The following SMYD2 variants were observed in gnomAD, a reference collection of about 807,000 sequenced individuals.
SMYD2 encodes SET and MYND domain containing 2, also known as N-lysine methyltransferase SMYD2.
A neutral mutation model predicts 59.1 loss-of-function variants in SMYD2; 53 were observed. The observed-to-expected ratio is 0.90, with a 90% confidence interval of 0.72 to 1.13. SMYD2 has a LOEUF of 1.13. SMYD2 is among the 50% of genes most tolerant of loss of function. The pLI, the probability that SMYD2 is intolerant of heterozygous loss-of-function variation, is 0.00. For missense variants in SMYD2, 494 were observed against 544.7 expected (o/e 0.91, Z 0.93); for synonymous variants, 208 against 198.8 (o/e 1.05, Z -0.39).
chr1:214,299,936 T>G (rs1571922712), intron 1 of SMYD2, among the ~76,000 whole-genome samples: 1 of 152,100 alleles, frequency 6.6e-6, no homozygotes, highest in South Asian at 2.1e-4. Flanking sequence ...GAGCTAAACA[T>G]TGGGTATTCA....
chr1:214,286,836 A>G (rs1415114548), intron 1 of SMYD2, among the ~76,000 whole-genome samples: 1 of 137,532 alleles, frequency 7.3e-6, no homozygotes, highest in African/African-American at 2.8e-5. Context: ...TGAGCCATCA[A>G]AATCACTCTG....
intron 1 of SMYD2, among the ~76,000 whole-genome samples, chr1:214,293,762 C>T (rs1275393434): frequency 2.0e-5 from 3 of 152,102 alleles, no homozygotes; most frequent in African/African-American, 4.8e-5. Context: ...CTGCAACCTC[C>T]GCCTCCCAGG....
At position 214,281,487 on chromosome 1, in the gene SMYD2, G is replaced by A; in HGVS notation, c.173+60G>A. On this transcript the variant is annotated intron_variant, in intron 1 of 11. Coordinates refer to ENST00000366957, the MANE Select transcript of SMYD2 (RefSeq NM_020197.3). ...CCGGGGGCGCCGAGCGGGAGGCTTG[G>A]ACGGCGGCGCCAGGAAGTGCGTGCG... 3.4e-6 allele frequency: 4 copies of A among 1,160,980 alleles called. No homozygotes were observed. In the South Asian group the frequency reaches 1.3e-4, roughly 37 times the overall value. The allele number at this position is 1,160,980 out of a possible 1,614,324, so 71.9% of individuals were successfully genotyped here.
intron 2 of SMYD2, among the ~76,000 whole-genome samples, chr1:214,306,123 T>C (rs1656911693): frequency 6.6e-6 from 1 of 152,150 alleles, no homozygotes; most frequent in African/African-American, 2.4e-5. Context: ...TGAGAAATGG[T>C]GATGCTGTTA....
At chr1:214,317,004 C>T (rs1025719149) in intron 3 of SMYD2, among the ~76,000 whole-genome samples, 1 of 151,888 alleles carries the variant, frequency 6.6e-6, no homozygotes, top group Non-Finnish European at 1.5e-5. Context: ...ATTTTGTTCC[C>T]CTGAATTATT....
rs1019628000 is a variant in SMYD2 at position 214,295,349 on chromosome 1, C to A, written c.174-9838C>A. Among the ~76,000 whole-genome samples the A allele has an allele frequency of 2.6e-5, 4 of 152,204 alleles. No homozygotes were observed. The East Asian group carries it at 7.7e-4, about 29-fold the overall frequency. ...GGCTGAAAAGGAAATGTAATGTTCA[C>A]TGTTTCACAGGCTAAATATTTCTCT... On this transcript the variant is annotated intron_variant, in intron 1 of 11. Coordinates refer to ENST00000366957, the MANE Select transcript of SMYD2 (RefSeq NM_020197.3).
rs1553254481 is a variant in SMYD2 at position 214,299,482 on chromosome 1, T to TAC, written c.174-5702_174-5701dup. 1.3e-4 allele frequency among the ~76,000 whole-genome samples: 6 copies of TAC among 45,918 alleles called. No homozygotes were observed. The South Asian group carries it at 1.8e-3, about 14-fold the overall frequency. The allele number at this position is 45,918 out of a possible 152,430, so 30.1% of individuals were successfully genotyped here. A position where few individuals can be genotyped will look rare whatever the true frequency, so the allele number is the denominator to read the frequency against. On this transcript the variant is annotated intron_variant, in intron 1 of 11. Coordinates refer to ENST00000366957, the MANE Select transcript of SMYD2 (RefSeq NM_020197.3). ...AGAAAACATTATATATATATATATA[T>TAC]ACACCATAGAATACTATGCAGTCAT... is the stretch of plus-strand genomic sequence containing the variant.
intron 2 of SMYD2, among the ~76,000 whole-genome samples, chr1:214,313,084 A>C (rs1232310054): frequency 6.6e-6 from 1 of 152,178 alleles, no homozygotes; most frequent in African/African-American, 2.4e-5. Flanking sequence ...GTGAGAGAGC[A>C]GCGTCAAGGA....
At chr1:214,322,233 T>C (rs934491532) in intron 5 of SMYD2, among the ~76,000 whole-genome samples, 4 of 152,258 alleles carry the variant, frequency 2.6e-5, no homozygotes, top group African/African-American at 9.6e-5. Context: ...CAGTCTGAGA[T>C]GATACATAGA....
chr1:214,313,186 G>A (rs1213318384), intron 2 of SMYD2, among the ~76,000 whole-genome samples: 1 of 151,958 alleles, frequency 6.6e-6, no homozygotes. Context: ...GTGCACTCTC[G>A]GCTCACTGCA....
At chr1:214,288,499 G>T (rs1656586087) in intron 1 of SMYD2, among the ~76,000 whole-genome samples, 1 of 152,172 alleles carries the variant, frequency 6.6e-6, no homozygotes, top group South Asian at 2.1e-4. Flanking sequence ...TTCACCCAGG[G>T]ACTTCACCCT....
chr1:214,304,376 T>C (rs1348249113), intron 1 of SMYD2, among the ~76,000 whole-genome samples: 1 of 151,908 alleles, frequency 6.6e-6, no homozygotes, highest in Non-Finnish European at 1.5e-5. Context: ...CTGGGCAACA[T>C]GGTGAAACCC....
intron 11 of SMYD2, 37 bp downstream of exon 11, chr1:214,334,345 C>CATCT: frequency 6.3e-7 from 1 of 1,577,274 alleles, no homozygotes; most frequent in Non-Finnish European, 8.7e-7. Flanking sequence ...TCCCAGTGGC[C>CATCT]AGATGGCCTC....
At chr1:214,327,507 T>G (rs1657281960) in intron 6 of SMYD2, 115 bp from the exon 7 acceptor site, 2 of 839,426 alleles carry the variant, frequency 2.4e-6, no homozygotes, top group Non-Finnish European at 3.9e-6. Context: ...TATTAGATTT[T>G]TAAAAAATGT....
At chr1:214,321,858 G>A (rs1171882904) in intron 5 of SMYD2, among the ~76,000 whole-genome samples, 1 of 152,178 alleles carries the variant, frequency 6.6e-6, no homozygotes, top group Non-Finnish European at 1.5e-5. Context: ...ATTTCAGAAG[G>A]GAAGGAAAGC....
chr1:214,334,198 A>G lies in SMYD2; in HGVS notation c.1113-2A>G, dbSNP rs1385631136. 1 of 1,613,208 alleles carries G rather than the reference A, an allele frequency of 6.2e-7. No individual in the cohort carries two copies. The highest frequency in any genetic ancestry group is 1.1e-5 in the South Asian group (1 of 91,048). ...GGCCTGTTGTCTCTTCTCTTGTTCT[A>G]GTAAGCACTATCCTTTGTACTCCCT... On this transcript the variant is annotated splice_acceptor_variant, in intron 10 of 11. Transcript: ENST00000366957. LOFTEE classifies it high-confidence loss of function.
At chr1:214,308,575 A>C (rs1391787708) in intron 2 of SMYD2, among the ~76,000 whole-genome samples, 1 of 152,180 alleles carries the variant, frequency 6.6e-6, no homozygotes, top group African/African-American at 2.4e-5. Flanking sequence ...AGCAGCGATG[A>C]GGAAGGTAAT....
intron 1 of SMYD2, among the ~76,000 whole-genome samples, chr1:214,293,998 A>G (rs932860625): frequency 1.3e-5 from 2 of 152,052 alleles, no homozygotes; most frequent in Non-Finnish European, 1.5e-5. Flanking sequence ...TTTTTTAACA[A>G]AAATATTATT....
chr1:214,292,353 C>G (rs575255023), intron 1 of SMYD2, among the ~76,000 whole-genome samples: 32 of 152,124 alleles, frequency 2.1e-4, no homozygotes, highest in Non-Finnish European at 3.4e-4. Flanking sequence ...TGCTGATTCT[C>G]CTCTCTATGT....
Sources: gnomAD v4.1 joint callset for allele counts (sites outside exome capture counted in the v4.1 genomes callset) on GRCh38, gnomAD v4.1.1 for gene constraint, MANE v1.5 for transcripts, NCBI Gene and HGNC (gene_info 2026-07-23, HGNC 2026-07-21) for gene names.